The following FHIT variants were observed in gnomAD, a reference collection of about 807,000 sequenced individuals.
FHIT encodes the protein fragile histidine triad diadenosine triphosphatase.
FHIT carries 19 observed loss-of-function variants against 17.9 expected under a neutral mutation model. That is an observed-to-expected ratio of 1.06 (90% CI 0.74 to 1.56). FHIT has a LOEUF of 1.56. Ranked by LOEUF, FHIT falls within the 40% of genes most tolerant of loss-of-function variation. The pLI, the probability that FHIT is intolerant of heterozygous loss-of-function variation, is 0.00. For missense variants in FHIT, 248 were observed against 189.2 expected, an observed-to-expected ratio of 1.31 and a Z score of -1.82; for synonymous variants, 81 against 69.7, an observed-to-expected ratio of 1.16 and a Z score of -0.81.
At chr3:61,186,121 T>C (rs1044136195) in intron 2 of FHIT, among the ~76,000 whole-genome samples, 33 of 152,222 alleles carry the variant, frequency 2.2e-4, no homozygotes, top group African/African-American at 7.5e-4. Flanking sequence ...CTGTACACAA[T>C]GCCCTGTAGC....
intron 5 of FHIT, among the ~76,000 whole-genome samples, chr3:60,056,512 C>G (rs961913301): frequency 2.6e-5 from 4 of 152,240 alleles, no homozygotes; most frequent in African/African-American, 9.6e-5. Flanking sequence ...CCCAAACCAT[C>G]AGCAGTTAGA....
At chr3:60,440,246 T>C (rs1321384380) in intron 5 of FHIT, among the ~76,000 whole-genome samples, 1 of 152,110 alleles carries the variant, frequency 6.6e-6, no homozygotes, top group Admixed American at 6.6e-5. Context: ...ATCTTCCCAG[T>C]CATCAGTTCC....
chr3:60,503,217 A>G (rs1178470427), intron 5 of FHIT, among the ~76,000 whole-genome samples: 2 of 152,236 alleles, frequency 1.3e-5, no homozygotes, highest in Admixed American at 1.3e-4. Flanking sequence ...TAGTAATCAA[A>G]TAATGCAAAT....
At chr3:60,648,601 A>G (rs893428282) in intron 4 of FHIT, among the ~76,000 whole-genome samples, 1 of 152,240 alleles carries the variant, frequency 6.6e-6, no homozygotes, top group Non-Finnish European at 1.5e-5. Context: ...GCACTTACAT[A>G]TAGTAGACAG....
At chr3:60,615,286 G>T (rs1235819511) in intron 4 of FHIT, among the ~76,000 whole-genome samples, 2 of 152,106 alleles carry the variant, frequency 1.3e-5, no homozygotes, top group Non-Finnish European at 2.9e-5. Flanking sequence ...CCAATAATTT[G>T]TCATTCACTC....
At chr3:60,691,300 T>A (rs935953155) in intron 4 of FHIT, among the ~76,000 whole-genome samples, 3 of 152,164 alleles carry the variant, frequency 2.0e-5, no homozygotes, top group Admixed American at 6.5e-5. Context: ...TCTTTTGTTA[T>A]TTTAATTTTT....
At chr3:60,308,261 T>C (rs1708773598) in intron 5 of FHIT, among the ~76,000 whole-genome samples, 1 of 152,110 alleles carries the variant, frequency 6.6e-6, no homozygotes. Context: ...ACAGTATTAC[T>C]TGCCTTACAG....
chr3:60,067,963 T>C (rs907626802), intron 5 of FHIT, among the ~76,000 whole-genome samples: 1 of 152,114 alleles, frequency 6.6e-6, no homozygotes, highest in East Asian at 1.9e-4. Context: ...GGGCCCAGCA[T>C]GGTGGCTCAC....
intron 5 of FHIT, among the ~76,000 whole-genome samples, chr3:60,222,631 A>C (rs945027786): frequency 1.3e-5 from 2 of 152,220 alleles, no homozygotes; most frequent in Admixed American, 1.3e-4. Flanking sequence ...TCTACTAAAA[A>C]TACAAAAATT....
rs149674125 is a variant in FHIT, at chr3:60,195,122, C to T, written c.104-180970G>A. 4.6e-5 allele frequency among the ~76,000 whole-genome samples: 7 copies of T among 152,072 alleles called. No individual in the cohort carries two copies. In the East Asian group the frequency reaches 7.8e-4, roughly 17 times the overall value. On this transcript the variant is annotated intron_variant, in intron 5 of 9. Coordinates refer to ENST00000492590, the MANE Select transcript of FHIT (RefSeq NM_002012.4). ...CGGACGTTGCAGTTAGCCAAGATCGCGCCATTCCACTCCAGCCTGGGGGAC... is the reference window on the plus strand; with the variant it reads ...CGGACGTTGCAGTTAGCCAAGATCGTGCCATTCCACTCCAGCCTGGGGGAC...
At chr3:60,695,997 G>C (rs2041106125) in intron 4 of FHIT, among the ~76,000 whole-genome samples, 1 of 152,164 alleles carries the variant, frequency 6.6e-6, no homozygotes, top group Non-Finnish European at 1.5e-5. Flanking sequence ...TGGAGATAAG[G>C]AGAGTGTGCA....
At position 60,443,468 on chromosome 3, in the gene FHIT, A is replaced by C. The variant is rs1422574121; in HGVS notation, c.103+93392T>G. Among the ~76,000 whole-genome samples, 3 of 152,262 alleles carry C rather than the reference A, an allele frequency of 2.0e-5. No homozygotes were observed. In the East Asian group the frequency reaches 5.8e-4, roughly 29 times the overall value. ...TCCCATCAATACCTAATTTATTGAGAGTTTTTAGCATGAAGGGCTGTTGAA... is the reference window on the plus strand; with the variant it reads ...TCCCATCAATACCTAATTTATTGAGCGTTTTTAGCATGAAGGGCTGTTGAA... On this transcript the variant is annotated intron_variant, in intron 5 of 9. Transcript: ENST00000492590.
At chr3:60,922,131 C>T (rs868924015) in intron 3 of FHIT, among the ~76,000 whole-genome samples, 1 of 152,176 alleles carries the variant, frequency 6.6e-6, no homozygotes, top group Non-Finnish European at 1.5e-5. Context: ...AATAAGCTCA[C>T]CTGCCATGGT....
intron 8 of FHIT, among the ~76,000 whole-genome samples, chr3:59,911,290 C>G (rs1173397469): frequency 6.6e-6 from 1 of 152,148 alleles, no homozygotes; most frequent in South Asian, 2.1e-4. Flanking sequence ...CACACTCACA[C>G]ACACTCTGAT....
chr3:60,250,118 G>C (rs9855768), intron 5 of FHIT, among the ~76,000 whole-genome samples: 1,859 of 151,800 alleles, frequency 0.012, 30 homozygotes, highest in African/African-American at 0.042. Flanking sequence ...AAAACGTAGA[G>C]AGAAAAAAGG....
chr3:60,154,068 G>C (rs1009408957), intron 5 of FHIT, among the ~76,000 whole-genome samples: 2 of 152,204 alleles, frequency 1.3e-5, no homozygotes, highest in African/African-American at 4.8e-5. Flanking sequence ...GTTTAGGGTG[G>C]CCAAGCAAGG....
At chr3:60,824,511 A>C (rs1553740345) in intron 3 of FHIT, among the ~76,000 whole-genome samples, 2 of 152,212 alleles carry the variant, frequency 1.3e-5, no homozygotes, top group African/African-American at 2.4e-5. Context: ...GAAAAAGGTA[A>C]ACAAATAAAT....
chr3:60,210,157 G>A (rs928553737), intron 5 of FHIT, among the ~76,000 whole-genome samples: 7 of 152,160 alleles, frequency 4.6e-5, no homozygotes, highest in African/African-American at 1.7e-4. Flanking sequence ...CCAAGTGAAT[G>A]GAGAATTTGG....
chr3:60,036,967 T>C (rs561957820), intron 5 of FHIT, among the ~76,000 whole-genome samples: 24 of 152,290 alleles, frequency 1.6e-4, no homozygotes, highest in East Asian at 5.8e-4. Flanking sequence ...CTGGAAGAAA[T>C]TGCCTCTAGT....
Sources: allele counts gnomAD v4.1 joint callset (sites outside exome capture counted in the v4.1 genomes callset), GRCh38; gene constraint gnomAD v4.1.1; transcripts MANE v1.5; gene names NCBI Gene and HGNC (gene_info 2026-07-23, HGNC 2026-07-21).